CCDC178: variants seen among roughly 807,000 people sequenced by gnomAD.
CCDC178 encodes the protein coiled-coil domain-containing protein 178.
A neutral mutation model predicts 117.4 loss-of-function variants in CCDC178; 126 were observed. The observed-to-expected ratio is 1.07, with a 90% confidence interval of 0.93 to 1.24. The LOEUF is 1.24. Among genes scored for constraint, CCDC178 ranks in the 50% most tolerant of loss-of-function variants. The pLI, the probability that CCDC178 is intolerant of heterozygous loss-of-function variation, is 0.00. For missense variants in CCDC178, 1,030 were observed against 986.9 expected (o/e 1.04, Z -0.59); for synonymous variants, 283 against 313.4 (o/e 0.90, Z 1.02).
chr18:33,068,371 G>C (rs1470928830), intron 21 of CCDC178, among the ~76,000 whole-genome samples: 3 of 151,976 alleles, frequency 2.0e-5, no homozygotes, highest in Non-Finnish European at 4.4e-5. Context: ...AACAAATAAA[G>C]AAAACTACAA....
intron 10 of CCDC178, among the ~76,000 whole-genome samples, chr18:33,326,367 G>T (rs953819256): frequency 6.6e-6 from 1 of 152,138 alleles, no homozygotes; most frequent in African/African-American, 2.4e-5. Flanking sequence ...TTGGATATGT[G>T]GGTTTAATCA....
At chr18:33,141,888 A>G (rs377594804) in intron 20 of CCDC178, among the ~76,000 whole-genome samples, 44 of 152,260 alleles carry the variant, frequency 2.9e-4, no homozygotes, top group African/African-American at 1.0e-3. Flanking sequence ...TTGCAAGAGG[A>G]TGTGATACCC....
chr18:33,399,329 T>C (rs535521201), intron 3 of CCDC178, among the ~76,000 whole-genome samples: 8 of 152,312 alleles, frequency 5.3e-5, no homozygotes, highest in Admixed American at 4.6e-4. Context: ...GGTTGGAGTG[T>C]CTGTGGTTAT....
intron 20 of CCDC178, among the ~76,000 whole-genome samples, chr18:33,161,553 T>C (rs1052673607): frequency 2.0e-5 from 3 of 152,312 alleles, no homozygotes; most frequent in Admixed American, 2.0e-4. Context: ...CAATTTGAAT[T>C]GCCTCAAAAA....
intron 5 of CCDC178, among the ~76,000 whole-genome samples, chr18:33,389,084 T>G (rs2063531326): frequency 6.6e-6 from 1 of 152,120 alleles, no homozygotes; most frequent in Non-Finnish European, 1.5e-5. Context: ...CAAACCACCA[T>G]GGCATGTGTT....
chr18:33,153,543 C>G (rs969456340), intron 20 of CCDC178, among the ~76,000 whole-genome samples: 1 of 152,016 alleles, frequency 6.6e-6, no homozygotes, highest in Non-Finnish European at 1.5e-5. Context: ...TGGCCAAATA[C>G]TTATCAACAA....
Position 33,267,275 on chromosome 18 carries a change from T to A in CCDC178, c.1199A>T (p.Tyr400Phe). ...SKMLEDLRRV[Y>F]DQLTWKQKSH... ...TTTTTGCTTCCAGGTTAGTTGGTCA[T>A]AAACTCTTCTCAAATCTTCCAGCTA... Residue 400 changes from tyrosine (Y) to phenylalanine (F), a missense_variant, in exon 13 of 23, where the codon TAT becomes TTT. Coordinates refer to ENST00000383096, the MANE Select transcript of CCDC178 (RefSeq NM_001105528.4). 1.3e-6 allele frequency: 2 copies of A among 1,599,354 alleles called. No individual in the cohort carries two copies. Among genetic ancestry groups the A allele is most frequent in the Non-Finnish European group, 1.7e-6 (2 of 1,174,674 alleles).
At chr18:33,316,303 A>G (rs2062415586) in intron 11 of CCDC178, among the ~76,000 whole-genome samples, 1 of 152,128 alleles carries the variant, frequency 6.6e-6, no homozygotes, top group African/African-American at 2.4e-5. Flanking sequence ...GTGAGCTGGG[A>G]GGGCCCCACA....
intron 5 of CCDC178, among the ~76,000 whole-genome samples, chr18:33,387,320 C>G (rs1270614871): frequency 6.6e-6 from 1 of 152,140 alleles, no homozygotes; most frequent in African/African-American, 2.4e-5. Context: ...TTCCATTAAA[C>G]TACCATTGAC....
At chr18:33,050,487 T>C (rs1474302947) in intron 21 of CCDC178, among the ~76,000 whole-genome samples, 1 of 152,170 alleles carries the variant, frequency 6.6e-6, no homozygotes, top group Non-Finnish European at 1.5e-5. Context: ...TTGGGCTATA[T>C]GGAAGAGTAG....
chr18:32,957,951 GATAAATGAAGTACCTCTTTAGTTA>G, intron 22 of CCDC178: 1 of 238,576 alleles, frequency 4.2e-6, no homozygotes, highest in Non-Finnish European at 8.0e-6. Flanking sequence ...TAAAAATGTT[GATAAATGAAGTACCTCTTTAGTTA>G]ATAAATGAAG....
chr18:32,949,706 T>A (rs752642579), intron 22 of CCDC178, among the ~76,000 whole-genome samples: 7 of 152,150 alleles, frequency 4.6e-5, no homozygotes, highest in Non-Finnish European at 7.4e-5. Flanking sequence ...CAGTTTTAAT[T>A]GATTGGTTTT....
chr18:33,256,472 AC>A (rs2059681827), intron 14 of CCDC178, among the ~76,000 whole-genome samples: 2 of 152,072 alleles, frequency 1.3e-5, no homozygotes, highest in South Asian at 4.1e-4. Flanking sequence ...CCTATAGAAT[AC>A]ATTTGTTTGA....
At chr18:33,046,563 C>A (rs1372574579) in intron 21 of CCDC178, among the ~76,000 whole-genome samples, 5 of 151,898 alleles carry the variant, frequency 3.3e-5, no homozygotes, top group African/African-American at 9.7e-5. Context: ...TCTCAATGTT[C>A]CTACTTAACA....
intron 20 of CCDC178, among the ~76,000 whole-genome samples, chr18:33,121,283 A>G (rs1047395534): frequency 6.6e-6 from 1 of 152,168 alleles, no homozygotes; most frequent in African/African-American, 2.4e-5. Flanking sequence ...AGACATAGAC[A>G]GAGAAGAAAT....
chr18:33,292,930 T>C (rs964383238), intron 12 of CCDC178, among the ~76,000 whole-genome samples: 9 of 152,054 alleles, frequency 5.9e-5, no homozygotes, highest in African/African-American at 2.4e-5. Context: ...ACTTGAGCCA[T>C]GCTGTGCCCA....
At chr18:33,019,827 T>C (rs2056073151) in intron 21 of CCDC178, among the ~76,000 whole-genome samples, 1 of 151,692 alleles carries the variant, frequency 6.6e-6, no homozygotes, top group Admixed American at 6.6e-5. Flanking sequence ...TAAACATTAG[T>C]CTATTATACA....
At chr18:33,437,004 T>A (rs2045991868) in intron 2 of CCDC178, among the ~76,000 whole-genome samples, 1 of 152,204 alleles carries the variant, frequency 6.6e-6, no homozygotes, top group Non-Finnish European at 1.5e-5. Context: ...TTATGCTATA[T>A]CCTTTGCCCG....
At chr18:33,087,005 CACACACACA>C (rs1238868015) in intron 21 of CCDC178, among the ~76,000 whole-genome samples, 3 of 148,940 alleles carry the variant, frequency 2.0e-5, no homozygotes, top group Non-Finnish European at 4.5e-5. Flanking sequence ...CACACACACA[CACACACACA>C]ACAAAATAGC....
Sources: allele counts gnomAD v4.1 joint callset (sites outside exome capture counted in the v4.1 genomes callset), GRCh38; gene constraint gnomAD v4.1.1; transcripts MANE v1.5; gene names NCBI Gene and HGNC (gene_info 2026-07-23, HGNC 2026-07-21).